The following CSMD1 variants were observed in gnomAD, a reference collection of about 807,000 sequenced individuals.
CSMD1 encodes the protein CUB and Sushi multiple domains 1.
In CSMD1, 213 loss-of-function variants were observed where a neutral mutation model predicts 417.5. That is an observed-to-expected ratio of 0.51 (90% CI 0.46 to 0.57). The LOEUF (loss-of-function observed/expected upper bound fraction) is 0.57, where lower values mean the gene tolerates loss of function less well. Ranked by LOEUF, CSMD1 falls within the 20% of genes least tolerant of loss-of-function variation. CSMD1 has a pLI of 0.00. For missense variants in CSMD1, 6,923 were observed against 4,529.7 expected (o/e 1.53, Z -15.17); for synonymous variants, 2,862 against 1,736.8 (o/e 1.65, Z -16.11).
At chr8:4,784,978 A>C (rs917316741) in intron 1 of CSMD1, among the ~76,000 whole-genome samples, 16 of 152,218 alleles carry the variant, frequency 1.1e-4, no homozygotes, top group African/African-American at 3.9e-4. Flanking sequence ...CAATACTAAA[A>C]TGGAAGTCCT....
chr8:3,182,749 C>CTGTG (rs138421791), intron 36 of CSMD1, among the ~76,000 whole-genome samples: 17,078 of 105,058 alleles, frequency 0.16, 1,436 homozygotes, highest in Middle Eastern at 0.21. Context: ...ATAAGAAGCT[C>CTGTG]TGTGTGTGTG....
chr8:4,280,657 A>G (rs1796730830), intron 3 of CSMD1, among the ~76,000 whole-genome samples: 2 of 152,214 alleles, frequency 1.3e-5, no homozygotes, highest in Admixed American at 1.3e-4. Flanking sequence ...GCTTGTGTGA[A>G]TCAGCTCACA....
At chr8:4,293,166 C>T (rs1797467520) in intron 3 of CSMD1, among the ~76,000 whole-genome samples, 1 of 152,130 alleles carries the variant, frequency 6.6e-6, no homozygotes, top group Non-Finnish European at 1.5e-5. Flanking sequence ...CCAGTATACT[C>T]TGAGGACTGA....
chr8:3,338,716 T>C (rs1411662396), intron 23 of CSMD1, among the ~76,000 whole-genome samples: 2 of 151,870 alleles, frequency 1.3e-5, no homozygotes, highest in African/African-American at 4.9e-5. Flanking sequence ...GAGAAAGGGC[T>C]TTATTTTTTT....
At chr8:3,689,680 T>C (rs1800132920) in intron 7 of CSMD1, among the ~76,000 whole-genome samples, 1 of 152,128 alleles carries the variant, frequency 6.6e-6, no homozygotes, top group South Asian at 2.1e-4. Context: ...TCTCCTTTAA[T>C]CCTCACGTCA....
intron 53 of CSMD1, among the ~76,000 whole-genome samples, chr8:2,999,368 C>T (rs545386881): frequency 1.3e-5 from 2 of 151,964 alleles, no homozygotes; most frequent in Non-Finnish European, 2.9e-5. Context: ...CGGCCAGGCT[C>T]GTCTTGAACT....
chr8:3,787,928 G>A (rs1799537123), intron 5 of CSMD1, among the ~76,000 whole-genome samples: 1 of 152,186 alleles, frequency 6.6e-6, no homozygotes, highest in Non-Finnish European at 1.5e-5. Context: ...GTTGTGAGGG[G>A]AAGGAGATGG....
chr8:3,307,807 G>C lies in CSMD1; in HGVS notation c.3838C>G (p.Gln1280Glu), dbSNP rs1804997470. Residue 1280 changes from glutamine (Q) to glutamate (E), a missense_variant, in exon 25 of 70, where the codon CAG becomes GAG. Coordinates refer to ENST00000635120, the MANE Select transcript of CSMD1 (RefSeq NM_033225.6). ...CGTCCTGATGTGGCTGCATGGATCT[G>C]ACCACCACATTCCGCTGTAGAAGAC... ...LPSCIAECGG[Q>E]IHAATSGRIL... The C allele has an allele frequency of 6.2e-7, 1 of 1,613,004 alleles. No individual in the cohort carries two copies. The highest frequency in any genetic ancestry group is 8.5e-7 in the Non-Finnish European group (1 of 1,179,448).
intron 3 of CSMD1, among the ~76,000 whole-genome samples, chr8:4,332,468 C>A (rs1004475249): frequency 1.3e-5 from 2 of 151,834 alleles, no homozygotes; most frequent in African/African-American, 4.8e-5. Flanking sequence ...TACTGTCTCT[C>A]CAACTGAGCA....
At chr8:4,683,549 A>G (rs751352213) in intron 1 of CSMD1, among the ~76,000 whole-genome samples, 9 of 152,164 alleles carry the variant, frequency 5.9e-5, no homozygotes, top group Non-Finnish European at 1.3e-4. Context: ...ATTAGCACCT[A>G]GAGGCACGTT....
At chr8:3,128,473 T>C (rs1817627156) in intron 41 of CSMD1, 4 of 214,376 alleles carry the variant, frequency 1.9e-5, no homozygotes, top group Non-Finnish European at 3.8e-5. Flanking sequence ...ACAGACATCA[T>C]TGAAAATGAC....
intron 3 of CSMD1, among the ~76,000 whole-genome samples, chr8:4,163,310 A>G (rs184317850): frequency 6.6e-6 from 1 of 152,136 alleles, no homozygotes. Context: ...AAACCACCCA[A>G]TTGTCTTCCA....
intron 5 of CSMD1, among the ~76,000 whole-genome samples, chr8:3,832,660 G>A (rs549637537): frequency 1.3e-5 from 2 of 152,276 alleles, no homozygotes; most frequent in South Asian, 4.1e-4. Flanking sequence ...ACGAAACTGA[G>A]ATTCAAGGAC....
intron 10 of CSMD1, among the ~76,000 whole-genome samples, chr8:3,548,957 T>C (rs1290053389): frequency 6.6e-6 from 1 of 152,114 alleles, no homozygotes; most frequent in Non-Finnish European, 1.5e-5. Flanking sequence ...CTGTCCTGTC[T>C]TAACTCTGCT....
At chr8:4,743,040 T>A (rs1041017467) in intron 1 of CSMD1, among the ~76,000 whole-genome samples, 75 of 152,334 alleles carry the variant, frequency 4.9e-4, no homozygotes, top group African/African-American at 1.8e-3. Flanking sequence ...TTCTAAGTGT[T>A]TTTGTTTGTA....
chr8:4,348,658 A>T (rs1800916481), intron 3 of CSMD1, among the ~76,000 whole-genome samples: 1 of 149,766 alleles, frequency 6.7e-6, no homozygotes, highest in Non-Finnish European at 1.5e-5. Flanking sequence ...GGAGAGAGAG[A>T]GAGAGAGAGA....
chr8:4,342,800 G>T (rs900122094), intron 3 of CSMD1, among the ~76,000 whole-genome samples: 13 of 151,860 alleles, frequency 8.6e-5, no homozygotes, highest in Non-Finnish European at 1.6e-4. Flanking sequence ...TGGAAAGGTG[G>T]TTCGTTCCTG....
chr8:4,339,714 G>T (rs903799278), intron 3 of CSMD1, among the ~76,000 whole-genome samples: 2 of 152,106 alleles, frequency 1.3e-5, no homozygotes, highest in Non-Finnish European at 2.9e-5. Context: ...AGAAGAAAAT[G>T]AAAGAGGACG....
At chr8:3,595,406 T>C (rs562903070) in intron 8 of CSMD1, among the ~76,000 whole-genome samples, 2 of 152,310 alleles carry the variant, frequency 1.3e-5, no homozygotes, top group Admixed American at 6.5e-5. Context: ...TTTTTTCTTT[T>C]CATAGCGGCA....
Sources: allele counts gnomAD v4.1 joint callset (sites outside exome capture counted in the v4.1 genomes callset), GRCh38; gene constraint gnomAD v4.1.1; transcripts MANE v1.5; gene names NCBI Gene and HGNC (gene_info 2026-07-23, HGNC 2026-07-21).